UGT1A9: variants seen among roughly 807,000 people sequenced by gnomAD.
The protein encoded by UGT1A9 is UDP-glucuronosyltransferase 1A9.
UGT1A9 carries 35 observed loss-of-function variants against 45.0 expected under a neutral mutation model. That is an observed-to-expected ratio of 0.78 (90% confidence interval 0.59 to 1.03). UGT1A9 has a LOEUF of 1.03. UGT1A9 is among the 50% of genes least tolerant of loss of function. UGT1A9 has a pLI of 0.00. For missense variants in UGT1A9, 687 were observed against 666.6 expected (o/e 1.03, Z -0.34); for synonymous variants, 278 against 250.6 (o/e 1.11, Z -1.03).
chr2:233,769,877 A>C lies in UGT1A9; in HGVS notation c.1295+1438A>C, dbSNP rs890697630. 4.7e-6 allele frequency: 2 copies of C among 421,450 alleles called. No homozygotes were observed. The highest frequency in any genetic ancestry group is 2.0e-5 in the African/African-American group (1 of 48,974). 26.1% of individuals were successfully genotyped at this position (421,450 alleles called of 1,614,324 possible). A position where few individuals can be genotyped will look rare whatever the true frequency, so the allele number is the denominator to read the frequency against. ...TGTCTCAAAAAAAAAAAAAAAAATG[A>C]AAAGTCCACATAACCTGAGCATCAT... is the stretch of plus-strand genomic sequence containing the variant. On this transcript the variant is annotated intron_variant, in intron 4 of 4. Transcript: ENST00000354728. This position sits in a 1 kb window ranked among gnomAD's most constrained non-coding sequence, Gnocchi z 4.4.
At chr2:233,709,841 C>T (rs1020241800) in intron 1 of UGT1A9, among the ~76,000 whole-genome samples, 4 of 152,190 alleles carry the variant, frequency 2.6e-5, no homozygotes, top group Admixed American at 2.6e-4. Flanking sequence ...GCAGCCATCA[C>T]CACATTCAAG....
Position 233,772,033 on chromosome 2 carries a change from A to C in UGT1A9, c.1296-229A>C, listed in dbSNP as rs33979061. Among the ~76,000 whole-genome samples, 33,182 of 152,170 alleles carry C rather than the reference A, an allele frequency of 0.22. 4,506 individuals carry two copies. Among genetic ancestry groups the C allele is most frequent in the South Asian group, 0.32 (1,549 of 4,822 alleles). On this transcript the variant is annotated intron_variant, in intron 4 of 4. Coordinates refer to ENST00000354728, the MANE Select transcript of UGT1A9 (RefSeq NM_021027.3). ...GAGGCTGAGGCAGGAGGATGGCTTG[A>C]GCCCAGGAGTTGGAGGCTGCAGTTA...
At chr2:233,682,744 G>A (rs1213672216) in intron 1 of UGT1A9, 12 of 1,613,896 alleles carry the variant, frequency 7.4e-6, no homozygotes, top group Non-Finnish European at 9.3e-6. Flanking sequence ...TGCCCAATAT[G>A]ATCTTCATTG....
intron 1 of UGT1A9, among the ~76,000 whole-genome samples, chr2:233,749,743 T>C (rs1694265349): frequency 1.3e-5 from 2 of 151,904 alleles, no homozygotes; most frequent in Non-Finnish European, 2.9e-5. Context: ...GGTCTCATCA[T>C]AGTGAGTGAG....
chr2:233,743,660 G>A (rs1409299533), intron 1 of UGT1A9: 4 of 1,367,142 alleles, frequency 2.9e-6, no homozygotes, highest in East Asian at 4.5e-5. Context: ...GTACTCGAAG[G>A]GGTCCTCGAA....
At chr2:233,700,071 C>T (rs2075541772) in intron 1 of UGT1A9, among the ~76,000 whole-genome samples, 1 of 152,174 alleles carries the variant, frequency 6.6e-6, no homozygotes, top group Non-Finnish European at 1.5e-5. Context: ...GGTGTCTACC[C>T]AGCAAGGCCC....
At chr2:233,743,092 C>A (rs1287220574) in intron 1 of UGT1A9, 2 of 346,770 alleles carry the variant, frequency 5.8e-6, no homozygotes, top group African/African-American at 2.2e-5. Flanking sequence ...TTTATAAATT[C>A]TTGGGTACAG....
rs879204025 is a variant in UGT1A9, at chr2:233,769,857, C to CAA, written c.1295+1434_1295+1435dup. On this transcript the variant is annotated intron_variant, in intron 4 of 4. Transcript: ENST00000354728. This position sits in a 1 kb window ranked among gnomAD's most constrained non-coding sequence, Gnocchi z 4.4. The stretch of plus-strand genomic sequence containing the variant: ...TGGGCAACAGAGTGAGACCCTGTCT[C>CAA]AAAAAAAAAAAAAAAAATGAAAAGT... The CAA allele has an allele frequency of 9.9e-3, 2,209 of 224,054 alleles. 3 individuals are homozygous for CAA. The highest frequency in any genetic ancestry group is 0.012 in the South Asian group (106 of 9,094). The allele number at this position is 224,054 out of a possible 1,614,324, so 13.9% of individuals were successfully genotyped here.
intron 1 of UGT1A9, among the ~76,000 whole-genome samples, chr2:233,681,180 C>T (rs1280077707): frequency 6.6e-6 from 1 of 151,900 alleles, no homozygotes; most frequent in Non-Finnish European, 1.5e-5. Context: ...GACCCTTGCT[C>T]TCTTTCCGTC....
Position 233,672,306 on chromosome 2 carries a change from C to A in UGT1A9, c.372C>A (p.Cys124Ter). 1 of 1,613,774 alleles carries A rather than the reference C, an allele frequency of 6.2e-7. No individual in the cohort carries two copies. Among genetic ancestry groups the A allele is most frequent in the Non-Finnish European group, 8.5e-7 (1 of 1,179,898 alleles). ...TTTTTGACTTATTTTTTTCAAATTG[C>A]AGGAGTTTGTTTAAAGACAAAAAAT... is the stretch of plus-strand genomic sequence containing the variant. ...NDIFDLFFSN[C>*]RSLFKDKKLV... Residue 124 changes from cysteine to a stop codon, truncating the protein, a stop_gained, in exon 1 of 5, where the codon TGC (cysteine) becomes TGA (stop). Coordinates refer to ENST00000354728, the MANE Select transcript of UGT1A9 (RefSeq NM_021027.3). LOFTEE classifies it high-confidence loss of function.
chr2:233,710,441 T>C (rs568926544), intron 1 of UGT1A9, among the ~76,000 whole-genome samples: 1 of 152,376 alleles, frequency 6.6e-6, no homozygotes, highest in African/African-American at 2.4e-5. Flanking sequence ...TTTTAGTCTT[T>C]TACATTTTAG....
chr2:233,722,361 T>C (rs28898615), intron 1 of UGT1A9, among the ~76,000 whole-genome samples: 12,155 of 152,314 alleles, frequency 0.08, 624 homozygotes, highest in East Asian at 0.2. Flanking sequence ...TATACAAGAC[T>C]AAAGTTGAAA....
At chr2:233,727,134 A>G (rs920073471) in intron 1 of UGT1A9, among the ~76,000 whole-genome samples, 2 of 152,208 alleles carry the variant, frequency 1.3e-5, no homozygotes, top group Non-Finnish European at 2.9e-5. Flanking sequence ...AGAGGGGAAC[A>G]AGACCACACA....
chr2:233,730,725 A>G (rs1270546313), intron 1 of UGT1A9, among the ~76,000 whole-genome samples: 1 of 152,146 alleles, frequency 6.6e-6, no homozygotes, highest in Admixed American at 6.5e-5. Flanking sequence ...TTATCAAGAA[A>G]TGGCGGAAGG....
intron 1 of UGT1A9, chr2:233,741,895 C>G (rs1371352009): frequency 6.6e-6 from 1 of 151,808 alleles, no homozygotes; most frequent in Non-Finnish European, 1.5e-5. Flanking sequence ...GAAGAAGGGA[C>G]CCTTTGTGAT....
chr2:233,690,770 C>G, intron 1 of UGT1A9: 7 of 1,084,308 alleles, frequency 6.5e-6, no homozygotes, highest in Non-Finnish European at 8.0e-6. Context: ...TACACACACA[C>G]ACACATACAC....
At chr2:233,760,974 G>C in intron 1 of UGT1A9, 1 of 1,614,120 alleles carries the variant, frequency 6.2e-7, no homozygotes, top group Non-Finnish European at 8.5e-7. Flanking sequence ...TTTATTCCCC[G>C]TATGCAACCC....
At chr2:233,715,195 A>G (rs1327063054) in intron 1 of UGT1A9, among the ~76,000 whole-genome samples, 4 of 152,188 alleles carry the variant, frequency 2.6e-5, no homozygotes, top group South Asian at 2.1e-4. Context: ...CAATTTTTCT[A>G]TCTTTTAAAA....
At chr2:233,730,293 G>T (rs1228640650) in intron 1 of UGT1A9, among the ~76,000 whole-genome samples, 1 of 152,186 alleles carries the variant, frequency 6.6e-6, no homozygotes, top group East Asian at 1.9e-4. Context: ...TCATGGTTGT[G>T]CATGTCCTTC....
Sources: gnomAD v4.1 joint callset for allele counts (sites outside exome capture counted in the v4.1 genomes callset) on GRCh38, gnomAD v4.1.1 for gene constraint, Gnocchi (gnomAD v3.1) non-coding constraint, MANE v1.5 for transcripts, NCBI Gene and HGNC (gene_info 2026-07-23, HGNC 2026-07-21) for gene names.